Variants in DCBLD2 observed in about 807,000 individuals in gnomAD.
DCBLD2 encodes discoidin, CUB and LCCL domain-containing protein 2.
A neutral mutation model predicts 86.8 loss-of-function variants in DCBLD2; 54 were observed. The observed-to-expected ratio is 0.62, with a 90% CI of 0.50 to 0.78. The LOEUF (loss-of-function observed/expected upper bound fraction) is 0.78. Ranked by LOEUF, DCBLD2 falls within the 30% of genes least tolerant of loss-of-function variation. DCBLD2 has a pLI of 0.00. For synonymous variants in DCBLD2, 354 were observed against 341.3 expected (o/e 1.04, Z -0.41); for missense variants, 908 against 954.2 (o/e 0.95, Z 0.64).
chr3:98,877,375 T>A (rs983055598), intron 2 of DCBLD2, among the ~76,000 whole-genome samples: 1 of 152,140 alleles, frequency 6.6e-6, no homozygotes, highest in African/African-American at 2.4e-5. Flanking sequence ...TCAGTTCGAG[T>A]CATGGGTTAG....
chr3:98,876,453 A>G (rs1463894908), intron 2 of DCBLD2, among the ~76,000 whole-genome samples: 1 of 144,828 alleles, frequency 6.9e-6, no homozygotes, highest in Non-Finnish European at 1.5e-5. Flanking sequence ...GGCCGTCAAC[A>G]TATGGGAAAA....
chr3:98,889,782 A>G (rs747993517), intron 1 of DCBLD2, among the ~76,000 whole-genome samples: 11 of 152,020 alleles, frequency 7.2e-5, no homozygotes, highest in Non-Finnish European at 1.5e-4. Flanking sequence ...GAGTTGAACA[A>G]AATATTTGGT....
At chr3:98,860,377 C>G (rs745451711) in intron 2 of DCBLD2, among the ~76,000 whole-genome samples, 33 of 152,136 alleles carry the variant, frequency 2.2e-4, no homozygotes, top group Non-Finnish European at 2.9e-4. Flanking sequence ...CAGAGAATGC[C>G]ACAAAGATAC....
At chr3:98,855,485 T>A (rs1942916289) in intron 2 of DCBLD2, among the ~76,000 whole-genome samples, 2 of 152,212 alleles carry the variant, frequency 1.3e-5, no homozygotes, top group African/African-American at 2.4e-5. Context: ...CTTACGTACA[T>A]CTTCAACATA....
intron 3 of DCBLD2, among the ~76,000 whole-genome samples, chr3:98,845,273 G>A (rs1039900856): frequency 6.6e-6 from 1 of 152,110 alleles, no homozygotes; most frequent in Non-Finnish European, 1.5e-5. Flanking sequence ...AAATGAAAGT[G>A]GAAGAGGACT....
chr3:98,812,762 A>G, intron 9 of DCBLD2: 1 of 240,800 alleles, frequency 4.2e-6, no homozygotes, highest in Non-Finnish European at 8.0e-6. Flanking sequence ...TTTGGGTAAA[A>G]GGTTTCAAAT....
chr3:98,889,218 A>C (rs1559801419), intron 1 of DCBLD2, among the ~76,000 whole-genome samples: 1 of 152,024 alleles, frequency 6.6e-6, no homozygotes, highest in Non-Finnish European at 1.5e-5. Context: ...AAAGAGAAAA[A>C]ACTCACAAAA....
chr3:98,851,802 AC>A (rs1452401346), intron 2 of DCBLD2, among the ~76,000 whole-genome samples: 2 of 152,244 alleles, frequency 1.3e-5, no homozygotes, highest in Non-Finnish European at 2.9e-5. Flanking sequence ...TTGATCTTTG[AC>A]AAACCTAACA....
chr3:98,896,738 T>G (rs1028516416), intron 1 of DCBLD2, among the ~76,000 whole-genome samples: 6 of 152,216 alleles, frequency 3.9e-5, no homozygotes, highest in South Asian at 2.1e-4. Context: ...GCCGTAAGGT[T>G]GTTATAAAGA....
chr3:98,845,822 T>G (rs926642300), intron 3 of DCBLD2, among the ~76,000 whole-genome samples: 1 of 152,194 alleles, frequency 6.6e-6, no homozygotes, highest in Non-Finnish European at 1.5e-5. Context: ...CACCTGCTGT[T>G]CCCTTCTGTA....
rs531915068 is a variant in DCBLD2 at position 98,819,521 on chromosome 3, T to G, written c.872-104A>C. 5.2e-4 allele frequency: 588 copies of G among 1,138,138 alleles called. 3 individuals are homozygous for G. Among genetic ancestry groups the G allele is most frequent in the Non-Finnish European group, 3.4e-4 (263 of 781,944 alleles). 70.5% of individuals were successfully genotyped at this position (1,138,138 alleles called of 1,614,324 possible). A position where few individuals can be genotyped will look rare whatever the true frequency, so the allele number is the denominator to read the frequency against. On this transcript the variant is annotated intron_variant, in intron 7 of 15. Coordinates refer to ENST00000326840, the MANE Select transcript of DCBLD2 (RefSeq NM_080927.4). ...TATTCCATCTTTAATTAACATACACTACACTAATAATACACTGTAACAGAG... is the reference window on the plus strand; with the variant it reads ...TATTCCATCTTTAATTAACATACACGACACTAATAATACACTGTAACAGAG...
At chr3:98,825,509 G>A (rs828622) in intron 3 of DCBLD2, 143 bp from the exon 4 acceptor site, 638,638 of 645,480 alleles carry the variant, frequency 0.99, 316,187 homozygotes, top group Non-Finnish European at 1. Flanking sequence ...TAAAAACTTT[G>A]CCAACTTTTG....
At chr3:98,852,259 T>C (rs1344271707) in intron 2 of DCBLD2, among the ~76,000 whole-genome samples, 1 of 152,042 alleles carries the variant, frequency 6.6e-6, no homozygotes, top group Non-Finnish European at 1.5e-5. Flanking sequence ...CTTTTTTTTT[T>C]TTTTTTTAAA....
intron 3 of DCBLD2, among the ~76,000 whole-genome samples, chr3:98,838,623 C>T (rs1227949895): frequency 1.3e-5 from 2 of 152,012 alleles, no homozygotes; most frequent in African/African-American, 4.8e-5. Context: ...GGCAGAGACA[C>T]TCTTCACTTC....
In DCBLD2 at chr3:98,812,349, C is replaced by T; in HGVS notation, c.1346G>A (p.Cys449Tyr). ...CTCTTTACCTTTAGGAATAAACTGA[C>T]ATCCGAGCAGCTCCATTTTCATGGC... ...KIAMKMELLG[C>Y]QFIPKGRPPK... The change falls in exon 10 of 16, where the codon TGT becomes TAT. Residue 449 changes from cysteine (C) to tyrosine (Y), a missense_variant. Around this residue, in one of 3 missense-constraint regions of DCBLD2, gnomAD observed 606 missense variants for 678.5 expected, o/e 0.89. Coordinates refer to ENST00000326840, the MANE Select transcript of DCBLD2 (RefSeq NM_080927.4). 1 of 1,613,448 alleles carries T rather than the reference C, an allele frequency of 6.2e-7. No homozygotes were observed. Among genetic ancestry groups the T allele is most frequent in the Non-Finnish European group, 8.5e-7 (1 of 1,179,600 alleles).
At chr3:98,870,801 GAAA>G (rs1559794650) in intron 2 of DCBLD2, among the ~76,000 whole-genome samples, 2,794 of 149,764 alleles carry the variant, frequency 0.019, 44 homozygotes, top group Middle Eastern at 0.024. Flanking sequence ...AAGAAAGAAA[GAAA>G]GAAAGAAAGG....
In DCBLD2 at chr3:98,798,984, T is replaced by A. The variant is rs1319656538; in HGVS notation, c.*388A>T. The A allele has an allele frequency of 6.2e-6, 1 of 160,940 alleles. No individual in the cohort carries two copies. Among genetic ancestry groups the A allele is most frequent in the Non-Finnish European group, 1.4e-5 (1 of 73,548 alleles). The allele number at this position is 160,940 out of a possible 1,614,324, so 10.0% of individuals were successfully genotyped here. Reference sequence around the variant, plus strand: ...ACTAGAATTTCAAGCCATTAGGTATTTCAAGAACAGTACCGTGCGTTATTG... The same window carrying A: ...ACTAGAATTTCAAGCCATTAGGTATATCAAGAACAGTACCGTGCGTTATTG... On this transcript the variant is annotated 3_prime_UTR_variant, in exon 16 of 16. Coordinates refer to ENST00000326840, the MANE Select transcript of DCBLD2 (RefSeq NM_080927.4).
Position 98,819,117 on chromosome 3 carries a change from A to C in DCBLD2, c.1087+85T>G, listed in dbSNP as rs1942072493. On this transcript the variant is annotated intron_variant, in intron 8 of 15. Transcript: ENST00000326840. ...ATATAATTACAATTTTAATGCCTTA[A>C]TTTTCTCTGAAAATCTTAGATGTTA... is the stretch of plus-strand genomic sequence containing the variant. 1.4e-5 allele frequency: 18 copies of C among 1,325,320 alleles called. No homozygotes were observed. In the South Asian group the frequency reaches 2.7e-4, roughly 20 times the overall value. The allele number at this position is 1,325,320 out of a possible 1,614,324, so 82.1% of individuals were successfully genotyped here.
intron 13 of DCBLD2, among the ~76,000 whole-genome samples, chr3:98,802,809 C>CT: frequency 6.6e-6 from 1 of 152,278 alleles, no homozygotes; most frequent in Admixed American, 6.5e-5. Flanking sequence ...ATAGGGAATC[C>CT]TTTCCCCAGT....
Sources: gnomAD v4.1 joint callset for allele counts (sites outside exome capture counted in the v4.1 genomes callset) on GRCh38, gnomAD v4.1.1 for gene constraint, gnomAD v4.1.1 regional missense constraint, MANE v1.5 for transcripts, NCBI Gene and HGNC (gene_info 2026-07-23, HGNC 2026-07-21) for gene names.